The following TGFB2 variants were observed in gnomAD, a reference collection of about 807,000 sequenced individuals.
TGFB2 encodes transforming growth factor beta-2 proprotein.
A neutral mutation model predicts 42.7 loss-of-function variants in TGFB2; 13 were observed. That is an observed-to-expected ratio of 0.30 (90% CI 0.20 to 0.48). TGFB2 has a LOEUF of 0.48. Ranked by LOEUF, TGFB2 falls within the 20% of genes least tolerant of loss-of-function variation. The probability of loss-of-function intolerance (pLI) is 0.99; values close to 1 mark genes in which losing one functional copy is unlikely to be tolerated. For missense variants in TGFB2, 390 were observed against 517.5 expected, an observed-to-expected ratio of 0.75 and a Z score of 2.39; for synonymous variants, 193 against 193.6, an observed-to-expected ratio of 1.00 and a Z score of 0.03.
chr1:218,351,337 A>C lies in TGFB2; in HGVS notation c.346+4290A>C, dbSNP rs968409183. 6.6e-5 allele frequency among the ~76,000 whole-genome samples: 10 copies of C among 152,322 alleles called. No homozygotes were observed. In the South Asian group the frequency reaches 1.9e-3, roughly 28 times the overall value. Reference sequence around the variant, plus strand: ...GTATGAGATAGAAACAGAAAGAAAAAGAGAGCGTATCAAAGACAGACTTGA... The same window carrying C: ...GTATGAGATAGAAACAGAAAGAAAACGAGAGCGTATCAAAGACAGACTTGA... On this transcript the variant is annotated intron_variant, in intron 1 of 6. Coordinates refer to ENST00000366930, the MANE Select transcript of TGFB2 (RefSeq NM_003238.6).
At position 218,392,022 on chromosome 1, in the gene TGFB2, G is replaced by C. The variant is rs532328535; in HGVS notation, c.347-13147G>C. Among the ~76,000 whole-genome samples the C allele has an allele frequency of 2.6e-5, 4 of 152,316 alleles. 1 individual carries two copies. The South Asian group carries it at 8.3e-4, about 32-fold the overall frequency. On this transcript the variant is annotated intron_variant, in intron 1 of 6. Coordinates refer to ENST00000366930, the MANE Select transcript of TGFB2 (RefSeq NM_003238.6). ...GGATGTTTGCTTACAGAAGAAAAGA[G>C]ATGAAGAAGAGAAGATGCAAAAACT...
chr1:218,348,273 T>C (rs1334504139), intron 1 of TGFB2, among the ~76,000 whole-genome samples: 1 of 152,168 alleles, frequency 6.6e-6, no homozygotes, highest in Non-Finnish European at 1.5e-5. Context: ...CCCTGTATAC[T>C]TGCTGGCTGC....
At chr1:218,433,871 C>T (rs569438583) in intron 2 of TGFB2, among the ~76,000 whole-genome samples, 9 of 152,204 alleles carry the variant, frequency 5.9e-5, no homozygotes, top group Non-Finnish European at 8.8e-5. Context: ...TTTATCATAA[C>T]ATGCAGCTGA....
intron 1 of TGFB2, among the ~76,000 whole-genome samples, chr1:218,355,681 G>A (rs1238066544): frequency 6.6e-6 from 1 of 152,204 alleles, no homozygotes; most frequent in Admixed American, 6.5e-5. Context: ...AAAGGATGAT[G>A]TGTGTGAAAA....
chr1:218,366,841 C>T (rs1308984868), intron 1 of TGFB2, among the ~76,000 whole-genome samples: 1 of 152,224 alleles, frequency 6.6e-6, no homozygotes, highest in African/African-American at 2.4e-5. Context: ...AGTCATACCA[C>T]ATGGATGGAT....
chr1:218,384,349 A>T (rs1318688368), intron 1 of TGFB2, among the ~76,000 whole-genome samples: 1 of 152,230 alleles, frequency 6.6e-6, no homozygotes, highest in East Asian at 1.9e-4. Context: ...AAGCCTTAGA[A>T]AAACAAGCAT....
intron 1 of TGFB2, 69 bp downstream of exon 1, chr1:218,347,116 C>A: frequency 7.0e-7 from 1 of 1,419,652 alleles, no homozygotes; most frequent in Non-Finnish European, 9.6e-7. Flanking sequence ...ACCGCAGCAG[C>A]TCCCGGGATC....
intron 2 of TGFB2, among the ~76,000 whole-genome samples, chr1:218,424,244 A>C (rs1407079070): frequency 6.6e-6 from 1 of 152,232 alleles, no homozygotes; most frequent in Non-Finnish European, 1.5e-5. Flanking sequence ...AACATGATGA[A>C]GACATTGGCT....
chr1:218,401,705 A>G (rs1445243283), intron 1 of TGFB2, among the ~76,000 whole-genome samples: 13 of 152,156 alleles, frequency 8.5e-5, no homozygotes, highest in Admixed American at 8.5e-4. Context: ...AAAGGGGGAA[A>G]TGAGTTCTTG....
chr1:218,388,009 G>A (rs953600474), intron 1 of TGFB2, among the ~76,000 whole-genome samples: 1 of 152,044 alleles, frequency 6.6e-6, no homozygotes, highest in Non-Finnish European at 1.5e-5. Context: ...TAGACAGCAA[G>A]AACACATCTG....
chr1:218,366,497 G>A lies in TGFB2; in HGVS notation c.346+19450G>A, dbSNP rs547930404. ...ATTAAAAAAAAAATTTTTTTTTAGA[G>A]ATGGGGTCTTGCTATATTGCCCAGG... On this transcript the variant is annotated intron_variant, in intron 1 of 6. Transcript: ENST00000366930. Among the ~76,000 whole-genome samples the A allele has an allele frequency of 1.9e-4, 29 of 152,218 alleles. No individual in the cohort carries two copies. In the East Asian group the frequency reaches 3.7e-3, roughly 19 times the overall value.
intron 1 of TGFB2, among the ~76,000 whole-genome samples, chr1:218,368,042 C>A (rs1458620977): frequency 6.6e-6 from 1 of 152,136 alleles, no homozygotes; most frequent in Non-Finnish European, 1.5e-5. Context: ...ACCTCGTGAT[C>A]CGCCTGCCTC....
chr1:218,396,835 G>A (rs149772901), intron 1 of TGFB2, among the ~76,000 whole-genome samples: 26 of 152,244 alleles, frequency 1.7e-4, no homozygotes, highest in East Asian at 3.9e-4. Context: ...AAGTTCCTCC[G>A]TTGATTAAAA....
Position 218,441,341 on chromosome 1 carries a change from A to G in TGFB2, c.1224A>G (p.Val408=). ...PKIEQLSNMI[V]KSCKCS is the part of the protein sequence containing the mutation. Reference sequence around the variant, plus strand: ...TTGAACAGCTTTCTAATATGATTGTAAAGTCTTGCAAATGCAGCTAAAATT... The same window carrying G: ...TTGAACAGCTTTCTAATATGATTGTGAAGTCTTGCAAATGCAGCTAAAATT... The change falls in exon 7 of 7, where the codon GTA becomes GTG. Residue 408 remains valine, a synonymous_variant. Transcript: ENST00000366930. 6.2e-7 allele frequency: 1 copy of G among 1,602,988 alleles called. No homozygotes were observed.
intron 1 of TGFB2, among the ~76,000 whole-genome samples, chr1:218,386,123 T>C (rs955185417): frequency 2.0e-5 from 3 of 152,162 alleles, no homozygotes; most frequent in Non-Finnish European, 4.4e-5. Context: ...ATCCTTTAAG[T>C]ACTACAGAAC....
In TGFB2 at chr1:218,444,181, A is replaced by G. The variant is rs977286731; in HGVS notation, c.*2819A>G. ...AAGAGTCAGGCCATATCCATCAAGG[A>G]TAGAAGAAATCCCTGTGCCGTCTTT... is the stretch of plus-strand genomic sequence containing the variant. On this transcript the variant is annotated 3_prime_UTR_variant, in exon 7 of 7. Transcript: ENST00000366930. 1 of 152,156 alleles carries G rather than the reference A, an allele frequency of 6.6e-6. No homozygotes were observed. The highest frequency in any genetic ancestry group is 1.5e-5 in the Non-Finnish European group (1 of 68,020). The allele number at this position is 152,156 out of a possible 1,614,324, so 9.4% of individuals were successfully genotyped here. A position where few individuals can be genotyped will look rare whatever the true frequency, so the allele number is the denominator to read the frequency against.
intron 1 of TGFB2, among the ~76,000 whole-genome samples, chr1:218,395,133 G>C (rs1658459717): frequency 6.6e-6 from 1 of 152,110 alleles, no homozygotes; most frequent in African/African-American, 2.4e-5. Context: ...TTCATTCTGT[G>C]GGCTTGTGAA....
chr1:218,372,060 G>A (rs1343851069), intron 1 of TGFB2, among the ~76,000 whole-genome samples: 2 of 152,008 alleles, frequency 1.3e-5, no homozygotes, highest in African/African-American at 4.8e-5. Flanking sequence ...GGTAGCTCAG[G>A]GCTTGCAAGT....
At chr1:218,397,117 A>G (rs943026592) in intron 1 of TGFB2, among the ~76,000 whole-genome samples, 10 of 151,878 alleles carry the variant, frequency 6.6e-5, no homozygotes, top group Non-Finnish European at 1.5e-4. Flanking sequence ...AAATACAAAA[A>G]ATTAGCCAGG....
Sources: gnomAD v4.1 joint callset for allele counts (sites outside exome capture counted in the v4.1 genomes callset) on GRCh38, gnomAD v4.1.1 for gene constraint, MANE v1.5 for transcripts, NCBI Gene and HGNC (gene_info 2026-07-23, HGNC 2026-07-21) for gene names.